CDYL: variants seen among roughly 807,000 people sequenced by gnomAD.
CDYL encodes chromodomain Y-like protein.
A neutral mutation model predicts 47.3 loss-of-function variants in CDYL; 8 were observed. The observed-to-expected ratio is 0.17, with a 90% CI of 0.10 to 0.31. The LOEUF (loss-of-function observed/expected upper bound fraction) is 0.31. Among genes scored for constraint, CDYL ranks in the 10% least tolerant of loss-of-function variants. The probability of loss-of-function intolerance (pLI) is 1.00; values close to 1 mark genes in which losing one functional copy is unlikely to be tolerated. For synonymous variants in CDYL, 266 were observed against 265.0 expected, an observed-to-expected ratio of 1.00 and a Z score of -0.04; for missense variants, 471 against 701.4, an observed-to-expected ratio of 0.67 and a Z score of 3.71.
rs530552724 is a variant in CDYL, at chr6:4,737,481, C to T, written c.186+2637C>T. On this transcript the variant is annotated intron_variant, in intron 3 of 8. Coordinates refer to the CDYL transcript ENST00000328908. ...CAGCCTGGCCAACATGGTGAAACCC[C>T]GTGTCTACTAAAAATACAAAATCAG... Among the ~76,000 whole-genome samples the T allele has an allele frequency of 4.1e-3, 616 of 152,070 alleles. 7 individuals are homozygous for T. The highest frequency in any genetic ancestry group is 8.6e-3 in the Admixed American group (131 of 15,278).
intron 2 of CDYL, among the ~76,000 whole-genome samples, chr6:4,724,165 G>A (rs11242976): frequency 2.6e-5 from 4 of 151,778 alleles, no homozygotes; most frequent in South Asian, 4.1e-4. Context: ...CTCAGCTTCC[G>A]AAGTAGCTGG....
intron 1 of CDYL, among the ~76,000 whole-genome samples, chr6:4,783,965 A>G (rs890995952): frequency 1.3e-5 from 2 of 152,178 alleles, no homozygotes; most frequent in Non-Finnish European, 2.9e-5. Flanking sequence ...CAGGAATTCC[A>G]AGTAGACATC....
Position 4,840,010 on chromosome 6 carries a change from G to T in CDYL, c.25-51703G>T, listed in dbSNP as rs993146561. Among the ~76,000 whole-genome samples the T allele has an allele frequency of 2.0e-5, 3 of 152,144 alleles. No homozygotes were observed. In the South Asian group the frequency reaches 6.2e-4, roughly 32 times the overall value. ...TTGAATTTGTAGATTGTTTTTGACAGTATGGCCATTTTCACAATATTGATT... is the reference window on the plus strand; with the variant it reads ...TTGAATTTGTAGATTGTTTTTGACATTATGGCCATTTTCACAATATTGATT... On this transcript the variant is annotated intron_variant, in intron 1 of 6. Transcript: ENST00000397588.
At chr6:4,834,722 A>C (rs1025224669) in intron 1 of CDYL, among the ~76,000 whole-genome samples, 53 of 152,310 alleles carry the variant, frequency 3.5e-4, no homozygotes, top group African/African-American at 1.3e-3. Context: ...AGTCAGACGT[A>C]GATTTGGTCT....
intron 1 of CDYL, among the ~76,000 whole-genome samples, chr6:4,839,632 C>T (rs577000695): frequency 2.2e-4 from 34 of 152,308 alleles, no homozygotes; most frequent in Admixed American, 9.2e-4. Flanking sequence ...CATTCTCCTA[C>T]ATGTGGCTTG....
chr6:4,925,382 T>C (rs1196513019), intron 2 of CDYL, among the ~76,000 whole-genome samples: 1 of 151,058 alleles, frequency 6.6e-6, no homozygotes, highest in East Asian at 2.0e-4. Context: ...TATGCGTCTG[T>C]CCTCATTACA....
intron 1 of CDYL, among the ~76,000 whole-genome samples, chr6:4,834,693 T>C (rs564778641): frequency 0.022 from 3,307 of 152,166 alleles, 82 homozygotes; most frequent in East Asian, 0.1. Context: ...CCATTCTCCC[T>C]GTCACTTTCA....
At chr6:4,840,951 C>T (rs1581204351) in intron 1 of CDYL, among the ~76,000 whole-genome samples, 2 of 151,640 alleles carry the variant, frequency 1.3e-5, no homozygotes, top group East Asian at 3.9e-4. Flanking sequence ...GGAAGGATTC[C>T]CTCTTTATCT....
intron 2 of CDYL, among the ~76,000 whole-genome samples, chr6:4,902,409 A>C (rs1338215100): frequency 6.6e-6 from 1 of 151,688 alleles, no homozygotes; most frequent in Non-Finnish European, 1.5e-5. Context: ...CATCTCAAAA[A>C]AAAAAAAAAA....
intron 1 of CDYL, among the ~76,000 whole-genome samples, chr6:4,710,152 G>A (rs527482994): frequency 4.9e-4 from 74 of 152,266 alleles, no homozygotes; most frequent in Middle Eastern, 6.8e-3. Flanking sequence ...AACCTGGGAG[G>A]TGGAGGTTGC....
At chr6:4,900,815 A>AGATATATC (rs1757020851) in intron 2 of CDYL, among the ~76,000 whole-genome samples, 1 of 89,434 alleles carries the variant, frequency 1.1e-5, no homozygotes, top group African/African-American at 4.1e-5. Context: ...ATATATATAT[A>AGATATATC]TATATATATA....
chr6:4,757,183 A>G (rs72821441), intron 3 of CDYL, among the ~76,000 whole-genome samples: 4,283 of 152,318 alleles, frequency 0.028, 88 homozygotes, highest in South Asian at 0.043. Flanking sequence ...ATCTAAACCA[A>G]TGATGCCCAA....
At chr6:4,795,006 T>C (rs1215697158) in intron 1 of CDYL, among the ~76,000 whole-genome samples, 6 of 152,170 alleles carry the variant, frequency 3.9e-5, no homozygotes, top group African/African-American at 1.4e-4. Context: ...TTATTTCTTG[T>C]ACTGAATTGG....
At chr6:4,765,040 T>G (rs1273975869) in intron 3 of CDYL, among the ~76,000 whole-genome samples, 1 of 152,176 alleles carries the variant, frequency 6.6e-6, no homozygotes, top group Non-Finnish European at 1.5e-5. Flanking sequence ...AGCCAGAAAT[T>G]GGCTGGGTGT....
intron 2 of CDYL, among the ~76,000 whole-genome samples, chr6:4,731,138 C>T (rs148478536): frequency 1.3e-4 from 20 of 152,218 alleles, no homozygotes; most frequent in Middle Eastern, 3.4e-3. Context: ...CTCCTGTGTC[C>T]GGAACGTTAC....
chr6:4,792,130 G>A (rs1169562412), intron 1 of CDYL, among the ~76,000 whole-genome samples: 1 of 150,560 alleles, frequency 6.6e-6, no homozygotes, highest in Non-Finnish European at 1.5e-5. Flanking sequence ...CTGACCTCGT[G>A]ATCCACCCGC....
chr6:4,882,866 G>C (rs149977797), intron 1 of CDYL, among the ~76,000 whole-genome samples: 78 of 152,296 alleles, frequency 5.1e-4, no homozygotes, highest in African/African-American at 1.8e-3. Context: ...TGCTAATGAT[G>C]ATGACCCACT....
chr6:4,806,683 T>G (rs1176658191), intron 1 of CDYL, among the ~76,000 whole-genome samples: 1 of 152,204 alleles, frequency 6.6e-6, no homozygotes, highest in Non-Finnish European at 1.5e-5. Flanking sequence ...TTAGGCTCCT[T>G]CCTTCTGCGA....
chr6:4,933,871 G>C lies in CDYL; in HGVS notation c.692-1644G>C, dbSNP rs189953189. Among the ~76,000 whole-genome samples, 80 of 152,352 alleles carry C rather than the reference G, an allele frequency of 5.3e-4. 2 individuals are homozygous for C. The highest frequency in any genetic ancestry group is 1.8e-3 in the African/African-American group (76 of 41,584). On this transcript the variant is annotated intron_variant, in intron 2 of 6. Transcript: ENST00000397588. Reference sequence around the variant, plus strand: ...CATATCGACAAGTCACTGAATAGTAGTGCGTATTGCAGTGTGAACTGGAAA... The same window carrying C: ...CATATCGACAAGTCACTGAATAGTACTGCGTATTGCAGTGTGAACTGGAAA...
Sources: gnomAD v4.1 joint callset for allele counts (sites outside exome capture counted in the v4.1 genomes callset) on GRCh38, gnomAD v4.1.1 for gene constraint, MANE v1.5 for transcripts, NCBI Gene and HGNC (gene_info 2026-07-23, HGNC 2026-07-21) for gene names.